BANK1: variants seen among roughly 807,000 people sequenced by gnomAD.
The protein encoded by BANK1 is B-cell scaffold protein with ankyrin repeats.
BANK1 carries 95 observed loss-of-function variants against 94.5 expected under a neutral mutation model. The ratio of observed to expected loss-of-function variants is 1.00; its 90% CI spans 0.85 to 1.19. The LOEUF (loss-of-function observed/expected upper bound fraction) is 1.19. Among genes scored for constraint, BANK1 ranks in the 50% most tolerant of loss-of-function variants. BANK1 has a pLI of 0.00. For missense variants in BANK1, 987 were observed against 932.2 expected, an observed-to-expected ratio of 1.06 and a Z score of -0.77; for synonymous variants, 334 against 308.4, an observed-to-expected ratio of 1.08 and a Z score of -0.87.
chr4:101,862,752 A>G (rs1727928663), intron 4 of BANK1, 88 bp downstream of exon 4: 3 of 1,301,172 alleles, frequency 2.3e-6, no homozygotes, highest in African/African-American at 3.1e-5. Context: ...CTTCCTTACA[A>G]AAACTAATAT....
At chr4:102,047,749 A>C (rs568240096) in intron 11 of BANK1, among the ~76,000 whole-genome samples, 1 of 152,122 alleles carries the variant, frequency 6.6e-6, no homozygotes. Context: ...AAGAGAAATG[A>C]CGAGTATCAA....
chr4:101,808,092 A>T (rs2148853136), intron 1 of BANK1, among the ~76,000 whole-genome samples: 1 of 144,570 alleles, frequency 6.9e-6, no homozygotes, highest in East Asian at 2.0e-4. Context: ...CAAAAAAAAA[A>T]AAAAGAAATG....
intron 6 of BANK1, among the ~76,000 whole-genome samples, chr4:101,908,264 C>T (rs933042501): frequency 1.7e-4 from 26 of 152,128 alleles, no homozygotes; most frequent in African/African-American, 6.3e-4. Flanking sequence ...CATCTACAGC[C>T]ATCTGATCTT....
chr4:101,835,436 T>C (rs1014878436), intron 2 of BANK1, among the ~76,000 whole-genome samples: 1 of 152,216 alleles, frequency 6.6e-6, no homozygotes, highest in Admixed American at 6.5e-5. Flanking sequence ...TTCTCATATT[T>C]TCTTCATTGT....
chr4:101,822,426 T>C (rs572672800), intron 1 of BANK1, among the ~76,000 whole-genome samples: 3 of 152,126 alleles, frequency 2.0e-5, no homozygotes, highest in East Asian at 1.9e-4. Flanking sequence ...ATTCTGACAA[T>C]TTATTTTATT....
At chr4:102,064,593 A>G (rs930201926) in intron 13 of BANK1, among the ~76,000 whole-genome samples, 9 of 152,214 alleles carry the variant, frequency 5.9e-5, no homozygotes, top group African/African-American at 2.2e-4. Context: ...CAATGCTCTT[A>G]ATTATCAGTG....
chr4:101,897,378 A>G (rs1722120862), intron 6 of BANK1, among the ~76,000 whole-genome samples: 1 of 152,000 alleles, frequency 6.6e-6, no homozygotes, highest in African/African-American at 2.4e-5. Flanking sequence ...AAAGAATTCC[A>G]GATAAGATTA....
At chr4:101,889,594 G>A (rs1156838448) in intron 5 of BANK1, among the ~76,000 whole-genome samples, 1 of 99,754 alleles carries the variant, frequency 1.0e-5, no homozygotes, top group Non-Finnish European at 1.7e-5. Context: ...GACAGAGCGA[G>A]ACTCCGTCTC....
In BANK1 at chr4:101,899,516, G is replaced by A. The variant is rs562433769; in HGVS notation, c.1009+4106G>A. On this transcript the variant is annotated intron_variant, in intron 6 of 16. Coordinates refer to ENST00000322953, the MANE Select transcript of BANK1 (RefSeq NM_017935.5). ...CAAATAATACAAAATAAAACAGCCA[G>A]TTTGAATCTTCCAAATTTTTTTTAC... 3.9e-5 allele frequency among the ~76,000 whole-genome samples: 6 copies of A among 152,180 alleles called. No individual in the cohort carries two copies. The South Asian group carries it at 8.3e-4, about 21-fold the overall frequency.
rs146976088 is a variant in BANK1 at position 102,003,426 on chromosome 4, G to A, written c.1207-18088G>A. ...TTAAAAATGGATTATTCCCATGTCTGGCAATTGGAGGTCTGGGCTGAGGTC... is the reference window on the plus strand; with the variant it reads ...TTAAAAATGGATTATTCCCATGTCTAGCAATTGGAGGTCTGGGCTGAGGTC... On this transcript the variant is annotated intron_variant, in intron 7 of 16. Coordinates refer to ENST00000322953, the MANE Select transcript of BANK1 (RefSeq NM_017935.5). 2.4e-3 allele frequency among the ~76,000 whole-genome samples: 363 copies of A among 152,256 alleles called. 4 individuals carry two copies. Among genetic ancestry groups the A allele is most frequent in the Admixed American group, 0.017 (261 of 15,286 alleles).
chr4:102,072,504 A>AGAT (rs1728793171), intron 15 of BANK1, 104 bp downstream of exon 15: 1 of 819,268 alleles, frequency 1.2e-6, no homozygotes, highest in Admixed American at 2.6e-5. Flanking sequence ...ACATTCTAAC[A>AGAT]GATATGAACA....
chr4:101,797,282 C>G (rs1310087230), intron 1 of BANK1, among the ~76,000 whole-genome samples: 3 of 152,012 alleles, frequency 2.0e-5, no homozygotes, highest in Non-Finnish European at 4.4e-5. Flanking sequence ...CAAGATGTGA[C>G]AAGGTTACAC....
intron 4 of BANK1, among the ~76,000 whole-genome samples, chr4:101,867,763 A>T (rs373787800): frequency 4.0e-5 from 5 of 125,800 alleles, no homozygotes; most frequent in African/African-American, 1.3e-4. Flanking sequence ...AAAAAAAATA[A>T]ATATAAATAA....
At chr4:102,024,816 G>T (rs116421467) in intron 8 of BANK1, among the ~76,000 whole-genome samples, 1 of 152,018 alleles carries the variant, frequency 6.6e-6, no homozygotes, top group African/African-American at 2.4e-5. Context: ...GTAAAGGTTT[G>T]TGTCTTTTTT....
intron 2 of BANK1, among the ~76,000 whole-genome samples, chr4:101,849,816 T>G (rs1389801522): frequency 1.3e-5 from 2 of 152,226 alleles, no homozygotes; most frequent in Non-Finnish European, 2.9e-5. Context: ...TTTATTTACT[T>G]TGGAAAATTT....
chr4:101,905,552 C>T (rs1020856417), intron 6 of BANK1, among the ~76,000 whole-genome samples: 1 of 152,070 alleles, frequency 6.6e-6, no homozygotes, highest in Non-Finnish European at 1.5e-5. Context: ...CCCTATCTGG[C>T]GGCCTGACTC....
At chr4:101,926,124 T>C (rs533766681) in intron 7 of BANK1, among the ~76,000 whole-genome samples, 1 of 151,846 alleles carries the variant, frequency 6.6e-6, no homozygotes, top group Non-Finnish European at 1.5e-5. Context: ...TATAATCCAA[T>C]GTAGATTGGG....
chr4:101,821,613 A>G (rs1256519709), intron 1 of BANK1, among the ~76,000 whole-genome samples: 1 of 151,928 alleles, frequency 6.6e-6, no homozygotes, highest in Non-Finnish European at 1.5e-5. Flanking sequence ...ATCCATCATG[A>G]GCTGATTTTT....
chr4:101,997,550 T>G (rs993561885), intron 7 of BANK1, among the ~76,000 whole-genome samples: 1 of 152,124 alleles, frequency 6.6e-6, no homozygotes, highest in Non-Finnish European at 1.5e-5. Context: ...CATCTGGTAC[T>G]AGGCTTTTTT....
Sources: allele counts gnomAD v4.1 joint callset (sites outside exome capture counted in the v4.1 genomes callset), GRCh38; gene constraint gnomAD v4.1.1; transcripts MANE v1.5; gene names NCBI Gene and HGNC (gene_info 2026-07-23, HGNC 2026-07-21).